Variants in PRSS12 observed in about 807,000 individuals in gnomAD.
PRSS12 encodes neurotrypsin.
PRSS12 carries 85 observed loss-of-function variants against 104.4 expected under a neutral mutation model. That is an observed-to-expected ratio of 0.81 (90% CI 0.68 to 0.98). The LOEUF (loss-of-function observed/expected upper bound fraction) is 0.98. Ranked by LOEUF, PRSS12 falls within the 50% of genes least tolerant of loss-of-function variation. PRSS12 has a pLI of 0.00. For synonymous variants in PRSS12, 454 were observed against 425.2 expected (o/e 1.07, Z -0.83); for missense variants, 1,141 against 1,139.2 (o/e 1.00, Z -0.02).
At chr4:118,305,342 A>G (rs1278852587) in intron 8 of PRSS12, among the ~76,000 whole-genome samples, 2 of 152,056 alleles carry the variant, frequency 1.3e-5, no homozygotes, top group African/African-American at 4.8e-5. Flanking sequence ...AAGACTATTT[A>G]AAATGCAATT....
chr4:118,336,376 G>A (rs1344252102), intron 2 of PRSS12, among the ~76,000 whole-genome samples: 4 of 123,308 alleles, frequency 3.2e-5, no homozygotes, highest in African/African-American at 1.1e-4. Flanking sequence ...AACCTCTGCT[G>A]TGTACAAACT....
chr4:118,308,408 C>T (rs1440981736), intron 8 of PRSS12, 28 bp downstream of exon 8: 5 of 1,613,572 alleles, frequency 3.1e-6, no homozygotes, highest in Non-Finnish European at 4.2e-6. Flanking sequence ...TCATCAGTAA[C>T]CATCCCAAAT....
Position 118,352,790 on chromosome 4 carries a change from G to C in PRSS12, c.-70C>G, listed in dbSNP as rs1256537587. On this transcript the variant is annotated 5_prime_UTR_variant, in exon 1 of 13. Coordinates refer to ENST00000296498, the MANE Select transcript of PRSS12 (RefSeq NM_003619.4). ...GGCTTGGAGCGGAGAAGAGGAGGGG[G>C]CGGGGGCGGGGCTGCCGCGTCCCTC... 2 of 1,586,710 alleles carry C rather than the reference G, an allele frequency of 1.3e-6. No homozygotes were observed. The highest frequency in any genetic ancestry group is 1.7e-6 in the Non-Finnish European group (2 of 1,170,184).
chr4:118,316,066 G>T, intron 6 of PRSS12, 116 bp downstream of exon 6: 1 of 1,134,190 alleles, frequency 8.8e-7, no homozygotes, highest in Non-Finnish European at 1.3e-6. Flanking sequence ...TCCATACACA[G>T]GTAGGAGAGA....
intron 4 of PRSS12, among the ~76,000 whole-genome samples, chr4:118,330,302 T>C (rs1439921450): frequency 1.3e-5 from 2 of 152,164 alleles, no homozygotes; most frequent in African/African-American, 4.8e-5. Context: ...ACATTACCTG[T>C]GATGATTTCC....
At chr4:118,337,097 A>G (rs1396548130) in intron 2 of PRSS12, among the ~76,000 whole-genome samples, 1 of 152,186 alleles carries the variant, frequency 6.6e-6, no homozygotes, top group Non-Finnish European at 1.5e-5. Context: ...TTAGGCCTTC[A>G]AGCTTTGCTT....
intron 6 of PRSS12, among the ~76,000 whole-genome samples, chr4:118,315,718 T>C (rs1222976989): frequency 1.3e-5 from 2 of 152,200 alleles, no homozygotes; most frequent in Non-Finnish European, 2.9e-5. Context: ...CTAAAGGTCA[T>C]CTCCTAACAA....
rs1280973608 is a variant in PRSS12, at chr4:118,343,028, T to TAA, written c.503-4716_503-4715dup. 3.9e-5 allele frequency among the ~76,000 whole-genome samples: 6 copies of TAA among 152,236 alleles called. No homozygotes were observed. In the South Asian group the frequency reaches 1.0e-3, roughly 26 times the overall value. On this transcript the variant is annotated intron_variant, in intron 1 of 12. Coordinates refer to ENST00000296498, the MANE Select transcript of PRSS12 (RefSeq NM_003619.4). Reference sequence around the variant, plus strand: ...TCTTATCAGTCTCAGTCAATACAGGTAAACTAGAGAACAGCAGACTGGATA... The same window carrying TAA: ...TCTTATCAGTCTCAGTCAATACAGGTAAAAACTAGAGAACAGCAGACTGGATA...
chr4:118,311,004 T>C (rs1198632285), intron 7 of PRSS12, among the ~76,000 whole-genome samples: 1 of 152,156 alleles, frequency 6.6e-6, no homozygotes, highest in East Asian at 1.9e-4. Context: ...TGAGCCGAGA[T>C]TGCGCCACTG....
chr4:118,335,599 TG>T lies in PRSS12; in HGVS notation c.693del (p.Ile232PhefsTer85). ...QTPFSGLGLI[P>X]IYWSNVRCRG... ...CGGCAACGGACATTGCTCCAATAAA[TG>T]GGAATAAGGCCCAGTCCAGAAAACG... On this transcript the variant is annotated frameshift_variant, in exon 3 of 13. Coordinates refer to ENST00000296498, the MANE Select transcript of PRSS12 (RefSeq NM_003619.4). LOFTEE classifies it high-confidence loss of function. The T allele has an allele frequency of 4.3e-6, 7 of 1,614,074 alleles. No homozygotes were observed. Among genetic ancestry groups the T allele is most frequent in the Middle Eastern group, 1.6e-4 (1 of 6,062 alleles).
chr4:118,313,099 A>C (rs1743795814), intron 7 of PRSS12, 102 bp downstream of exon 7: 1 of 1,418,186 alleles, frequency 7.1e-7, no homozygotes, highest in Non-Finnish European at 9.6e-7. Flanking sequence ...AATAGACCCC[A>C]AAAAAAGCCA....
chr4:118,282,831 C>CTGTG lies in PRSS12; in HGVS notation c.2316_2319dup (p.Gly774HisfsTer19), dbSNP rs1369149418. ...CCTGCTTTTTTTGATTATGCCTTACCTGTGTCACCCCATCCTGTTATGTAA... is the reference window on the plus strand; with the variant it reads ...CCTGCTTTTTTTGATTATGCCTTACCTGTGTGTGTCACCCCATCCTGTTATGTAA... On this transcript the variant is annotated frameshift_variant and splice_region_variant, in exon 12 of 13. Coordinates refer to ENST00000296498, the MANE Select transcript of PRSS12 (RefSeq NM_003619.4). LOFTEE classifies it high-confidence loss of function. 6.2e-7 allele frequency: 1 copy of CTGTG among 1,613,986 alleles called. No individual in the cohort carries two copies. The highest frequency in any genetic ancestry group is 2.2e-5 in the East Asian group (1 of 44,886).
At chr4:118,349,452 A>C (rs1246554088) in intron 1 of PRSS12, among the ~76,000 whole-genome samples, 1 of 152,062 alleles carries the variant, frequency 6.6e-6, no homozygotes, top group Non-Finnish European at 1.5e-5. Context: ...TTTAAGCATA[A>C]GAGACTGTAA....
chr4:118,334,555 C>A (rs1174475299), intron 3 of PRSS12, among the ~76,000 whole-genome samples: 2 of 151,642 alleles, frequency 1.3e-5, no homozygotes, highest in African/African-American at 4.8e-5. Context: ...ATGCCTCTCC[C>A]AGTCAAAAAA....
intron 5 of PRSS12, among the ~76,000 whole-genome samples, chr4:118,316,585 G>A (rs1226798059): frequency 1.4e-5 from 2 of 148,068 alleles, no homozygotes. Context: ...ATTTCGGGAG[G>A]CTGAGGCAGG....
At chr4:118,323,250 G>C (rs573207089) in intron 4 of PRSS12, among the ~76,000 whole-genome samples, 1 of 152,180 alleles carries the variant, frequency 6.6e-6, no homozygotes, top group Non-Finnish European at 1.5e-5. Flanking sequence ...GAAAGCTCTA[G>C]AGAAAGGCAG....
chr4:118,348,961 T>A (rs561575825), intron 1 of PRSS12, among the ~76,000 whole-genome samples: 1 of 152,018 alleles, frequency 6.6e-6, no homozygotes, highest in Non-Finnish European at 1.5e-5. Context: ...CCTAGAATGA[T>A]TCTTTAGTAT....
chr4:118,328,054 T>C (rs1346754732), intron 4 of PRSS12, among the ~76,000 whole-genome samples: 1 of 152,144 alleles, frequency 6.6e-6, no homozygotes, highest in African/African-American at 2.4e-5. Flanking sequence ...GAATCATAAA[T>C]TGAGACAAGC....
At chr4:118,318,298 A>C in intron 5 of PRSS12, 80 bp downstream of exon 5, 5 of 1,377,366 alleles carry the variant, frequency 3.6e-6, no homozygotes, top group Non-Finnish European at 4.1e-6. Flanking sequence ...TAATGTTGAA[A>C]TTAAGGAGAA....
Sources: gnomAD v4.1 joint callset for allele counts (sites outside exome capture counted in the v4.1 genomes callset) on GRCh38, gnomAD v4.1.1 for gene constraint, MANE v1.5 for transcripts, NCBI Gene and HGNC (gene_info 2026-07-23, HGNC 2026-07-21) for gene names.